SMG7: variants seen among roughly 807,000 people sequenced by gnomAD.
SMG7 encodes SMG7 nonsense mediated mRNA decay factor.
A neutral mutation model predicts 148.2 loss-of-function variants in SMG7; 34 were observed. The ratio of observed to expected loss-of-function variants is 0.23; its 90% confidence interval spans 0.17 to 0.31. The LOEUF (loss-of-function observed/expected upper bound fraction) is 0.31, where lower values mean the gene tolerates loss of function less well. SMG7 is among the 10% of genes least tolerant of loss of function. The pLI, the probability that SMG7 is intolerant of heterozygous loss-of-function variation, is 1.00. For synonymous variants in SMG7, 492 were observed against 515.1 expected (o/e 0.96, Z 0.61); for missense variants, 1,114 against 1,408.4 (o/e 0.79, Z 3.35).
rs1652454057 is a variant in SMG7 at position 183,477,267 on chromosome 1, TTCTTCCTTC to T, written c.29+4619_29+4627del. 2.0e-5 allele frequency among the ~76,000 whole-genome samples: 3 copies of T among 152,204 alleles called. No individual in the cohort carries two copies. In the South Asian group the frequency reaches 6.2e-4, roughly 31 times the overall value. On this transcript the variant is annotated intron_variant, in intron 1 of 22. Transcript: ENST00000688051. ...TATGCTCCCTTCAACTTTCCTCCTT[TTCTTCCTTC>T]ACTATTCTCTTTTGTCTCTAATTTC...
chr1:183,504,321 C>CTTTA (rs1353403789), intron 1 of SMG7, among the ~76,000 whole-genome samples: 3 of 148,036 alleles, frequency 2.0e-5, no homozygotes, highest in African/African-American at 7.5e-5. Flanking sequence ...CTGTTGATAT[C>CTTTA]TTGATTTATT....
intron 1 of SMG7, 82 bp from the exon 2 acceptor site, chr1:183,512,755 C>T: frequency 7.7e-7 from 1 of 1,295,192 alleles, no homozygotes; most frequent in Non-Finnish European, 1.1e-6. Flanking sequence ...TTTCACCTAA[C>T]TTTTAGTGTT....
rs373875400 is a variant in SMG7, at chr1:183,527,920, T to G, written c.485-36T>G. The G allele has an allele frequency of 2.5e-4, 379 of 1,544,184 alleles. No homozygotes were observed. The highest frequency in any genetic ancestry group is 3.1e-4 in the Non-Finnish European group (344 of 1,117,988). On this transcript the variant is annotated intron_variant, in intron 5 of 22. Transcript: ENST00000688051. This position sits in a 1 kb window ranked among gnomAD's most constrained non-coding sequence, Gnocchi z 4.0. ...TGGAAATACTACCCTACTGTTTGTT[T>G]TTTGGGTTTTTTAAAACTAATTTTC...
intron 1 of SMG7, among the ~76,000 whole-genome samples, chr1:183,503,238 C>T (rs1000274875): frequency 2.0e-5 from 3 of 152,162 alleles, no homozygotes; most frequent in African/African-American, 7.2e-5. Flanking sequence ...TAAGACCTGG[C>T]AAATAATAAG....
chr1:183,524,582 C>T (rs188482863), intron 4 of SMG7, among the ~76,000 whole-genome samples: 1 of 152,268 alleles, frequency 6.6e-6, no homozygotes, highest in East Asian at 1.9e-4. Context: ...TGATTCAGAT[C>T]CTTCTGAGTT....
In SMG7 at chr1:183,542,339, A is replaced by G. The variant is rs957335228; in HGVS notation, c.1679A>G (p.Gln560Arg). ...NIKTREVNRD[Q>R]GRSFPPKEVR... Reference sequence around the variant, plus strand: ...AAGACACGAGAAGTGAACAGAGACCAAGGAAGAAGTTTTCCTCCCAAAGAG... The same window carrying G: ...AAGACACGAGAAGTGAACAGAGACCGAGGAAGAAGTTTTCCTCCCAAAGAG... The change falls in exon 14 of 23, where the codon CAA becomes CGA. Residue 560 changes from glutamine to arginine, a missense_variant. Coordinates refer to ENST00000688051, the MANE Select transcript of SMG7 (RefSeq NM_001375584.1). 15 of 1,614,166 alleles carry G rather than the reference A, an allele frequency of 9.3e-6. No homozygotes were observed. The East Asian group carries it at 3.1e-4, about 34-fold the overall frequency.
chr1:183,552,228 C>T lies in SMG7; in HGVS notation c.*297C>T, dbSNP rs529355560. ...ACCGCCTCTCACCTTCTCCATCGTG[C>T]ATGTCCCCAGCCACATGGGAAGTGA... On this transcript the variant is annotated 3_prime_UTR_variant, in exon 23 of 23. Coordinates refer to ENST00000688051, the MANE Select transcript of SMG7 (RefSeq NM_001375584.1). 3.0e-4 allele frequency: 315 copies of T among 1,056,644 alleles called. No individual in the cohort carries two copies. Among genetic ancestry groups the T allele is most frequent in the South Asian group, 2.5e-3 (58 of 23,362 alleles). 65.5% of individuals were successfully genotyped at this position (1,056,644 alleles called of 1,614,324 possible).
At chr1:183,507,794 G>A (rs2782411) in intron 1 of SMG7, among the ~76,000 whole-genome samples, 48,322 of 151,972 alleles carry the variant, frequency 0.32, 8,439 homozygotes, top group East Asian at 0.52. Context: ...TATTCCACGA[G>A]TATTTATTGT....
At position 183,533,298 on chromosome 1, in the gene SMG7, A is replaced by G. The variant is rs1667184082; in HGVS notation, c.978A>G (p.Leu326=). 23 of 1,613,856 alleles carry G rather than the reference A, an allele frequency of 1.4e-5. No homozygotes were observed. Among genetic ancestry groups the G allele is most frequent in the Admixed American group, 1.7e-5 (1 of 59,992 alleles). ...EQHTYSQDEQ[L]CWTQLLALFM... Reference sequence around the variant, plus strand: ...ACACTTATAGCCAAGATGAGCAGCTATGTTGGACACAGTTGCTGGCCCTCT... The same window carrying G: ...ACACTTATAGCCAAGATGAGCAGCTGTGTTGGACACAGTTGCTGGCCCTCT... The change falls in exon 9 of 23, where the codon CTA becomes CTG. Residue 326 remains leucine (L), a synonymous_variant. Coordinates refer to ENST00000688051, the MANE Select transcript of SMG7 (RefSeq NM_001375584.1).
chr1:183,541,176 GCACACACACACATCT>G, intron 13 of SMG7, 73 bp downstream of exon 13: 1 of 1,245,066 alleles, frequency 8.0e-7, no homozygotes, highest in Non-Finnish European at 1.2e-6. Flanking sequence ...ACACGCGCGC[GCACACACACACATCT>G]CATATGTTAC....
At chr1:183,533,063 A>T in intron 8 of SMG7, 101 bp from the exon 9 acceptor site, 1 of 932,416 alleles carries the variant, frequency 1.1e-6, no homozygotes, top group Non-Finnish European at 1.7e-6. Flanking sequence ...TAATTCTATT[A>T]CACATGGTGG....
chr1:183,502,235 C>G (rs2102323851), intron 1 of SMG7: 1 of 1,422,406 alleles, frequency 7.0e-7, no homozygotes, highest in South Asian at 1.6e-5. Flanking sequence ...TCATATTTTC[C>G]TCCTCTCCTC....
At chr1:183,480,418 C>T (rs1334807382) in intron 1 of SMG7, among the ~76,000 whole-genome samples, 3 of 152,030 alleles carry the variant, frequency 2.0e-5, no homozygotes, top group Non-Finnish European at 4.4e-5. Context: ...TTTCTGAGTA[C>T]ATTATTGAAA....
intron 1 of SMG7, among the ~76,000 whole-genome samples, chr1:183,492,978 T>C (rs1449872693): frequency 6.6e-6 from 1 of 152,184 alleles, no homozygotes; most frequent in African/African-American, 2.4e-5. Context: ...TTTTATTTTA[T>C]TTGTTTTTAG....
intron 4 of SMG7, among the ~76,000 whole-genome samples, chr1:183,518,205 A>G (rs545858125): frequency 1.3e-5 from 2 of 152,020 alleles, no homozygotes; most frequent in Non-Finnish European, 2.9e-5. Context: ...ACCTCAGCCT[A>G]CCAAAGTGCT....
intron 1 of SMG7, chr1:183,502,266 A>G (rs1384420207): frequency 1.3e-6 from 2 of 1,532,102 alleles, no homozygotes; most frequent in Non-Finnish European, 1.7e-6. Flanking sequence ...GTCTTAAACC[A>G]TTCTACCTTA....
chr1:183,506,953 G>A (rs1365016965), intron 1 of SMG7, among the ~76,000 whole-genome samples: 2 of 142,984 alleles, frequency 1.4e-5, no homozygotes, highest in African/African-American at 5.2e-5. Context: ...ATCTTGGCTC[G>A]CTGCAACCTA....
intron 1 of SMG7, among the ~76,000 whole-genome samples, chr1:183,473,221 C>T (rs1202706010): frequency 6.6e-6 from 1 of 150,786 alleles, no homozygotes; most frequent in Non-Finnish European, 1.5e-5. Flanking sequence ...AGTTAGTTGG[C>T]GGTGTGGGGA....
At chr1:183,487,907 G>A (rs1655894931) in intron 1 of SMG7, among the ~76,000 whole-genome samples, 1 of 152,194 alleles carries the variant, frequency 6.6e-6, no homozygotes, top group Admixed American at 6.5e-5. Context: ...CAACCAGAGA[G>A]AACATATAAG....
Sources: gnomAD v4.1 joint callset for allele counts (sites outside exome capture counted in the v4.1 genomes callset) on GRCh38, gnomAD v4.1.1 for gene constraint, Gnocchi (gnomAD v3.1) non-coding constraint, MANE v1.5 for transcripts, NCBI Gene and HGNC (gene_info 2026-07-23, HGNC 2026-07-21) for gene names.